ABR: variants seen among roughly 807,000 people sequenced by gnomAD.
ABR encodes ABR activator of RhoGEF and GTPase.
A neutral mutation model predicts 107.2 loss-of-function variants in ABR; 35 were observed. That is an observed-to-expected ratio of 0.33 (90% CI 0.25 to 0.43). The LOEUF (loss-of-function observed/expected upper bound fraction) is 0.43, where lower values mean the gene tolerates loss of function less well. Ranked by LOEUF, ABR falls within the 20% of genes least tolerant of loss-of-function variation. The probability of loss-of-function intolerance (pLI) is 1.00; values close to 1 mark genes in which losing one functional copy is unlikely to be tolerated. For synonymous variants in ABR, 498 were observed against 462.0 expected (o/e 1.08, Z -1.00); for missense variants, 815 against 1,115.2 (o/e 0.73, Z 3.83).
chr17:1,057,040 G>C lies in ABR; in HGVS notation c.1444C>G (p.Leu482Val). Residue 482 changes from leucine to valine, a missense_variant, in exon 13 of 23, where the codon CTT (leucine) becomes GTT (valine). Physicochemically the swap from Leu to Val is conservative, Grantham distance 32. Transcript: ENST00000302538. Reference protein sequence around the residue: ...LQVLTGSCFKLRTVHNIPVTS... With the variant: ...LQVLTGSCFKVRTVHNIPVTS... ...ACAGGAATGTTGTGTACAGTCCTAAGCTTGAAACAGGATCCTGTGAGCACC... is the reference window on the plus strand; with the variant it reads ...ACAGGAATGTTGTGTACAGTCCTAACCTTGAAACAGGATCCTGTGAGCACC... 2 of 1,613,186 alleles carry C rather than the reference G, an allele frequency of 1.2e-6. No individual in the cohort carries two copies. The highest frequency in any genetic ancestry group is 1.7e-6 in the Non-Finnish European group (2 of 1,179,338).
At chr17:1,023,075 G>A (rs12936349) in intron 16 of ABR, among the ~76,000 whole-genome samples, 44 of 146,946 alleles carry the variant, frequency 3.0e-4, no homozygotes, top group Admixed American at 2.6e-3. Context: ...CGCCTCTGCC[G>A]GCCCCACGTC....
chr17:1,006,002 G>T lies in ABR; in HGVS notation c.*78C>A. On this transcript the variant is annotated 3_prime_UTR_variant, in exon 23 of 23. Transcript: ENST00000302538. Reference sequence around the variant, plus strand: ...GTGCTGGGTTTGGGAGTTTTCTATTGCAGTCTTTCAAGTCTGAGTTGGACC... The same window carrying T: ...GTGCTGGGTTTGGGAGTTTTCTATTTCAGTCTTTCAAGTCTGAGTTGGACC... 7.7e-7 allele frequency: 1 copy of T among 1,301,628 alleles called. No individual in the cohort carries two copies. The highest frequency in any genetic ancestry group is 1.1e-6 in the Non-Finnish European group (1 of 920,778). 80.6% of individuals were successfully genotyped at this position (1,301,628 alleles called of 1,614,324 possible).
intron 10 of ABR, among the ~76,000 whole-genome samples, chr17:1,064,464 A>C (rs1246858513): frequency 9.6e-6 from 1 of 104,250 alleles, no homozygotes; most frequent in South Asian, 3.7e-4. Flanking sequence ...TGTTACGTGA[A>C]CTGAGGGCTA....
chr17:1,061,976 A>C (rs759946395), intron 10 of ABR, among the ~76,000 whole-genome samples: 34 of 152,202 alleles, frequency 2.2e-4, no homozygotes, highest in Admixed American at 1.2e-3. Context: ...AGTACCATTT[A>C]AGCAAAGCCA....
At chr17:1,214,033 G>A (rs373069258) in intron 1 of ABR, among the ~76,000 whole-genome samples, 1 of 151,902 alleles carries the variant, frequency 6.6e-6, no homozygotes. Flanking sequence ...GATTACAGGC[G>A]CCCGCCACCA....
At chr17:1,013,889 CGTTCTGTTTCTGTAACTCGGGG>C (rs1212201598) in intron 16 of ABR, among the ~76,000 whole-genome samples, 1 of 152,240 alleles carries the variant, frequency 6.6e-6, no homozygotes, top group East Asian at 1.9e-4. Context: ...GACTGTTCCA[CGTTCTGTTTCTGTAACTCGGGG>C]GCCTTCGCGC....
rs1357593834 is a variant in ABR at position 1,054,674 on chromosome 17, GGATGGGGGC to G, written c.1561+1352_1561+1360del. On this transcript the variant is annotated intron_variant, in intron 14 of 22. Transcript: ENST00000302538. The stretch of plus-strand genomic sequence containing the variant: ...GGATGGGGGCACAAGGAACCTGAGG[GGATGGGGGC>G]ACAAGGAACCTCAGGGGATGGGGGC... Among the ~76,000 whole-genome samples the G allele has an allele frequency of 1.4e-4, 12 of 87,326 alleles. 6 individuals are homozygous for G. Among genetic ancestry groups the G allele is most frequent in the African/African-American group, 4.4e-4 (10 of 22,726 alleles). The allele number at this position is 87,326 out of a possible 152,430, so 57.3% of individuals were successfully genotyped here.
intron 10 of ABR, among the ~76,000 whole-genome samples, chr17:1,062,235 G>A (rs1473368307): frequency 1.3e-5 from 2 of 151,014 alleles, no homozygotes; most frequent in African/African-American, 2.4e-5. Context: ...TCTAGACGCT[G>A]CTGTTATGTG....
chr17:1,069,694 T>C (rs1287000922), intron 9 of ABR, among the ~76,000 whole-genome samples: 2 of 151,928 alleles, frequency 1.3e-5, no homozygotes, highest in East Asian at 3.9e-4. Context: ...ACCAACAAAG[T>C]TGCTGAAGGC....
At chr17:1,185,670 A>ATAAAAT (rs1567873692) in intron 1 of ABR, among the ~76,000 whole-genome samples, 82 of 149,700 alleles carry the variant, frequency 5.5e-4, no homozygotes, top group African/African-American at 1.9e-3. Context: ...AAAAAAAAAA[A>ATAAAAT]AAAAAAAAAA....
intron 3 of ABR, among the ~76,000 whole-genome samples, chr17:1,100,034 G>A (rs1046948242): frequency 6.6e-6 from 1 of 151,612 alleles, no homozygotes; most frequent in Admixed American, 6.6e-5. Flanking sequence ...GCTGAGGCAG[G>A]AGAATCACTT....
Position 1,010,893 on chromosome 17 carries a change from C to T in ABR, c.2102-30G>A. On this transcript the variant is annotated intron_variant, in intron 19 of 22. Transcript: ENST00000302538. The surrounding 1 kb of genome is among the most constrained non-coding windows in gnomAD (Gnocchi z 4.1). ...AGGGGTGGGGCCGAGGTCAGGCAGCCTTAGCTGGGCCAGCAGCCCCGTTCC... is the reference window on the plus strand; with the variant it reads ...AGGGGTGGGGCCGAGGTCAGGCAGCTTTAGCTGGGCCAGCAGCCCCGTTCC... 1 of 1,611,430 alleles carries T rather than the reference C, an allele frequency of 6.2e-7. No individual in the cohort carries two copies. The highest frequency in any genetic ancestry group is 8.5e-7 in the Non-Finnish European group (1 of 1,179,726).
chr17:1,070,236 C>G lies in ABR; in HGVS notation c.895-146G>C, dbSNP rs1267470043. 9.1e-7 allele frequency: 1 copy of G among 1,103,550 alleles called. No individual in the cohort carries two copies. The highest frequency in any genetic ancestry group is 1.6e-5 in the African/African-American group (1 of 64,046). 68.4% of individuals were successfully genotyped at this position (1,103,550 alleles called of 1,614,324 possible). ...CCCTTAACCAAAGGTGGTTCAAGCACTGCCTTTGGAGTCACATGGGCATGG... is the reference window on the plus strand; with the variant it reads ...CCCTTAACCAAAGGTGGTTCAAGCAGTGCCTTTGGAGTCACATGGGCATGG... On this transcript the variant is annotated intron_variant, in intron 8 of 22. Coordinates refer to ENST00000302538, the MANE Select transcript of ABR (RefSeq NM_021962.5). The surrounding 1 kb of genome is among the most constrained non-coding windows in gnomAD (Gnocchi z 4.2).
chr17:1,092,487 A>G lies in ABR; in HGVS notation c.346-637T>C, dbSNP rs888901413. On this transcript the variant is annotated intron_variant, in intron 3 of 22. Transcript: ENST00000302538. The surrounding 1 kb of genome is among the most constrained non-coding windows in gnomAD (Gnocchi z 4.6). ...GTCTCCAGTCTCAGACTCTTTCTCA[A>G]TGCCTGCCTGTCTATACCAAGATGC... 6.6e-6 allele frequency among the ~76,000 whole-genome samples: 1 copy of G among 151,840 alleles called. No homozygotes were observed. The highest frequency in any genetic ancestry group is 1.5e-5 in the Non-Finnish European group (1 of 67,964).
chr17:1,006,396 C>T (rs556467341), intron 22 of ABR, among the ~76,000 whole-genome samples: 4 of 152,306 alleles, frequency 2.6e-5, no homozygotes, highest in Non-Finnish European at 4.4e-5. Context: ...CTGCTCTGTC[C>T]TGAGGCGGCC....
At chr17:1,048,113 C>T (rs2031909246) in intron 16 of ABR, among the ~76,000 whole-genome samples, 1 of 152,220 alleles carries the variant, frequency 6.6e-6, no homozygotes. Flanking sequence ...GATGGGGCTC[C>T]CTCCCCTTAT....
chr17:1,032,546 G>T (rs973153319), intron 16 of ABR, among the ~76,000 whole-genome samples: 1 of 147,062 alleles, frequency 6.8e-6, no homozygotes, highest in African/African-American at 2.7e-5. Flanking sequence ...GGCAGAGGAC[G>T]CCACGGGCAA....
chr17:1,083,938 A>C (rs2036428264), intron 4 of ABR, among the ~76,000 whole-genome samples: 1 of 152,102 alleles, frequency 6.6e-6, no homozygotes, highest in African/African-American at 2.4e-5. Flanking sequence ...CAGCACGGTG[A>C]AGGTCTCCCA....
rs1416503913 is a variant in ABR, at chr17:1,157,300, G to A, written c.61+22367C>T. On this transcript the variant is annotated intron_variant, in intron 1 of 22. Transcript: ENST00000302538. This position sits in a 1 kb window ranked among gnomAD's most constrained non-coding sequence, Gnocchi z 4.7. ...AAGTCTCACTCTGTCGCCCAGGCTGGAGTGCAAAGGTGCAACCTTAGCTCA... is the reference window on the plus strand; with the variant it reads ...AAGTCTCACTCTGTCGCCCAGGCTGAAGTGCAAAGGTGCAACCTTAGCTCA... Among the ~76,000 whole-genome samples the A allele has an allele frequency of 1.3e-5, 2 of 150,462 alleles. No individual in the cohort carries two copies. Among genetic ancestry groups the A allele is most frequent in the Non-Finnish European group, 2.9e-5 (2 of 67,832 alleles).
Sources: gnomAD v4.1 joint callset for allele counts (sites outside exome capture counted in the v4.1 genomes callset) on GRCh38, gnomAD v4.1.1 for gene constraint, Gnocchi (gnomAD v3.1) non-coding constraint, MANE v1.5 for transcripts, NCBI Gene and HGNC (gene_info 2026-07-23, HGNC 2026-07-21) for gene names.